Variants in PSMG2 observed in about 807,000 individuals in gnomAD.
The protein encoded by PSMG2 is proteasome assembly chaperone 2.
Under a neutral mutation model 31.5 loss-of-function variants are expected in PSMG2, and 21 were observed. The ratio of observed to expected loss-of-function variants is 0.67; its 90% CI spans 0.47 to 0.96. PSMG2 has a LOEUF of 0.96. Ranked by LOEUF, PSMG2 falls within the 40% of genes least tolerant of loss-of-function variation. PSMG2 has a pLI of 0.00. For synonymous variants in PSMG2, 120 were observed against 110.4 expected (o/e 1.09, Z -0.54); for missense variants, 318 against 321.2 (o/e 0.99, Z 0.08).
At chr18:12,702,450 G>A (rs776666703), upstream of PSMG2, 1 of 1,513,938 alleles carries the variant, frequency 6.6e-7, no homozygotes. Flanking sequence ...GTTATGGGTC[G>A]GCCCGGCGGT....
intron 1 of PSMG2, among the ~76,000 whole-genome samples, chr18:12,694,978 G>A (rs1297638195): frequency 6.6e-6 from 1 of 151,944 alleles, no homozygotes. Context: ...GCCTCCCAAA[G>A]TGCTGGGACT....
rs779332918 is a variant in PSMG2 at position 12,724,557 on chromosome 18, A to C, written c.640A>C (p.Ile214Leu). 3.7e-6 allele frequency: 6 copies of C among 1,611,304 alleles called. No individual in the cohort carries two copies. The East Asian group carries it at 1.1e-4, about 30-fold the overall frequency. Reference protein sequence around the residue: ...LLKFVSEGDNIPDALGLVEYL... With the variant: ...LLKFVSEGDNLPDALGLVEYL... ...GAAATTTGTTTCAGAAGGGGACAAC[A>C]TCCCAGATGCATTAGGTCTTGTTGA... Residue 214 changes from isoleucine (I) to leucine (L), a missense_variant, in exon 6 of 7, where the codon ATC becomes CTC. By Grantham distance (5) the Ile-to-Leu change is conservative. Transcript: ENST00000317615.
chr18:12,658,809 T>A, intron 1 of PSMG2: 2 of 320,928 alleles, frequency 6.2e-6, no homozygotes, highest in Non-Finnish European at 1.3e-5. Context: ...TTACGGGTTT[T>A]CCTCACTGAC....
Position 12,704,496 on chromosome 18 carries a change from G to A in PSMG2, c.57+1332G>A, listed in dbSNP as rs145032610. Reference sequence around the variant, plus strand: ...CTCAGCTACTCGGGAAGCTGAGGTGGGAGGATCACTTGAGCCCAGGAAGCA... The same window carrying A: ...CTCAGCTACTCGGGAAGCTGAGGTGAGAGGATCACTTGAGCCCAGGAAGCA... On this transcript the variant is annotated intron_variant, in intron 1 of 6. Transcript: ENST00000317615. 2.9e-3 allele frequency among the ~76,000 whole-genome samples: 435 copies of A among 152,244 alleles called. 2 individuals carry two copies. Among genetic ancestry groups the A allele is most frequent in the African/African-American group, 0.01 (417 of 41,536 alleles).
intron 1 of PSMG2, chr18:12,662,084 C>G (rs1016367403): frequency 1.2e-5 from 5 of 419,130 alleles, no homozygotes; most frequent in African/African-American, 2.1e-5. Context: ...CTGTGCTGCT[C>G]TGAGTCTTTC....
intron 3 of PSMG2, among the ~76,000 whole-genome samples, chr18:12,715,063 C>T (rs2040364885): frequency 1.3e-5 from 2 of 151,842 alleles, no homozygotes. Flanking sequence ...GGCTGGAGTT[C>T]AGTGGTGCAA....
chr18:12,698,687 T>A (rs565033054), upstream of PSMG2: 129 of 281,162 alleles, frequency 4.6e-4, no homozygotes, highest in Admixed American at 7.1e-4. Flanking sequence ...TTCCACTATA[T>A]CATCCCAGCA....
chr18:12,722,652 T>A (rs1410524435), intron 5 of PSMG2, among the ~76,000 whole-genome samples: 1 of 152,074 alleles, frequency 6.6e-6, no homozygotes, highest in African/African-American at 2.4e-5. Flanking sequence ...GAAATGCGGA[T>A]TTTACCCTGA....
chr18:12,679,270 C>G (rs957945446), intron 1 of PSMG2: 2 of 152,166 alleles, frequency 1.3e-5, no homozygotes. Flanking sequence ...GAAACTCCAA[C>G]CAGCCTGTGC....
chr18:12,660,297 C>G (rs924536140), intron 1 of PSMG2, among the ~76,000 whole-genome samples: 13 of 150,414 alleles, frequency 8.6e-5, no homozygotes, highest in African/African-American at 2.5e-4. Context: ...TTAGTCATCC[C>G]TCTAATCAAT....
rs1224268670 is a variant in PSMG2 at position 12,667,143 on chromosome 18, ATAAAT to A, written c.-37+8375_-37+8379del. Among the ~76,000 whole-genome samples, 10 of 152,242 alleles carry A rather than the reference ATAAAT, an allele frequency of 6.6e-5. No individual in the cohort carries two copies. In the East Asian group the frequency reaches 1.5e-3, roughly 23 times the overall value. On this transcript the variant is annotated intron_variant, in intron 1 of 6. Transcript: ENST00000585331. ...TGAAAATAGTGATAAAAATCATTAA[ATAAAT>A]TAAAATGTTAAATTAGAAAATATTA...
intron 2 of PSMG2, among the ~76,000 whole-genome samples, chr18:12,709,664 A>G (rs1273451850): frequency 1.3e-5 from 2 of 149,046 alleles, no homozygotes; most frequent in African/African-American, 5.0e-5. Context: ...ACGCCCAGCT[A>G]ATATTTTGTA....
chr18:12,708,722 T>TTG (rs2040295240), intron 2 of PSMG2, among the ~76,000 whole-genome samples: 1 of 145,686 alleles, frequency 6.9e-6, no homozygotes, highest in South Asian at 2.2e-4. Flanking sequence ...TTTTTTTTTT[T>TTG]GAGACAGAGT....
chr18:12,709,030 T>C (rs1568041014), intron 2 of PSMG2, among the ~76,000 whole-genome samples: 1 of 150,214 alleles, frequency 6.7e-6, no homozygotes, highest in Non-Finnish European at 1.5e-5. Context: ...AAACTTTATT[T>C]TATTTTATTT....
chr18:12,682,313 C>T (rs1386927799), intron 1 of PSMG2, among the ~76,000 whole-genome samples: 1 of 152,120 alleles, frequency 6.6e-6, no homozygotes, highest in Non-Finnish European at 1.5e-5. Context: ...CCTCAGCCTC[C>T]TGAATAGCTG....
At chr18:12,667,802 CACTTA>C (rs2038834740) in intron 1 of PSMG2, among the ~76,000 whole-genome samples, 1 of 143,786 alleles carries the variant, frequency 7.0e-6, no homozygotes, top group African/African-American at 2.5e-5. Flanking sequence ...ATATAATATT[CACTTA>C]ACACAGAAGA....
chr18:12,715,821 T>C (rs1170450073), intron 3 of PSMG2, among the ~76,000 whole-genome samples: 2 of 152,190 alleles, frequency 1.3e-5, no homozygotes, highest in African/African-American at 4.8e-5. Context: ...TTTAACTTTT[T>C]ATCGAAGTAT....
chr18:12,686,542 A>G (rs2039546150), intron 1 of PSMG2: 2 of 943,698 alleles, frequency 2.1e-6, no homozygotes, highest in Non-Finnish European at 3.2e-6. Context: ...AAAATAATTC[A>G]GCATACCATT....
intron 1 of PSMG2, among the ~76,000 whole-genome samples, chr18:12,693,006 T>G (rs757263939): frequency 6.4e-4 from 97 of 152,128 alleles, no homozygotes; most frequent in African/African-American, 1.3e-3. Flanking sequence ...AAAATTTTTG[T>G]AGAGATGAAG....
Sources: allele counts gnomAD v4.1 joint callset (sites outside exome capture counted in the v4.1 genomes callset), GRCh38; gene constraint gnomAD v4.1.1; transcripts MANE v1.5; gene names NCBI Gene and HGNC (gene_info 2026-07-23, HGNC 2026-07-21).